NHS: variants seen among roughly 807,000 people sequenced by gnomAD.
The protein encoded by NHS is NHS actin remodeling regulator, also known as actin remodeling regulator NHS.
In NHS, 5 loss-of-function variants were observed where a neutral mutation model predicts 72.5. The ratio of observed to expected loss-of-function variants is 0.07; its 90% CI spans 0.04 to 0.14. The LOEUF (loss-of-function observed/expected upper bound fraction) is 0.14, where lower values mean the gene tolerates loss of function less well. NHS is among the 10% of genes least tolerant of loss of function. NHS has a pLI of 1.00. For synonymous variants in NHS, 464 were observed against 547.7 expected (o/e 0.85, Z 2.13); for missense variants, 1,072 against 1,355.7 (o/e 0.79, Z 3.29).
chrX:17,612,009 C>G (rs761230235), intron 1 of NHS, among the ~76,000 whole-genome samples: 12 of 107,502 alleles, frequency 1.1e-4, no homozygotes, highest in Admixed American at 2.0e-4. Flanking sequence ...CACCTCACCC[C>G]CCTCCACAGA....
intron 1 of NHS, among the ~76,000 whole-genome samples, chrX:17,650,930 G>A (rs1318380113): frequency 3.6e-5 from 4 of 111,991 alleles, no homozygotes; most frequent in African/African-American, 9.8e-5. Flanking sequence ...AATCTGTATC[G>A]TGGAGTCCCC....
chrX:17,407,560 A>G (rs1460807356), intron 1 of NHS, among the ~76,000 whole-genome samples: 2 of 111,052 alleles, frequency 1.8e-5, no homozygotes, highest in African/African-American at 3.3e-5. Context: ...AGGAGTGTTG[A>G]TTTTTTTTGG....
chrX:17,684,000 G>A (rs1379860548), intron 1 of NHS, among the ~76,000 whole-genome samples: 4 of 111,818 alleles, frequency 3.6e-5, no homozygotes, highest in African/African-American at 1.3e-4. Context: ...AATCATGGGG[G>A]CTGGTTTTTC....
At chrX:17,431,827 A>G (rs934844211) in intron 1 of NHS, among the ~76,000 whole-genome samples, 2 of 112,201 alleles carry the variant, frequency 1.8e-5, no homozygotes, top group African/African-American at 6.5e-5. Flanking sequence ...TGACGCAAGC[A>G]GAGCCAACTA....
At position 17,728,664 on chromosome X, in the gene NHS, A is replaced by G. The variant is rs1436759167; in HGVS notation, c.4238A>G (p.Asp1413Gly). The change falls in exon 8 of 9, where the codon GAT becomes GGT. Residue 1413 changes from aspartate to glycine, a missense_variant. By Grantham distance (94) the Asp-to-Gly change is moderately conservative. Transcript: ENST00000676302. Reference sequence around the variant, plus strand: ...TTATTTTAAGAATCATCACCGAGTGATGACTCCATCATTTCACCACTTAGT... The same window carrying G: ...TTATTTTAAGAATCATCACCGAGTGGTGACTCCATCATTTCACCACTTAGT... ...EASLKESSPS[D>G]DSIISPLSED... 7 of 1,208,429 alleles carry G rather than the reference A, an allele frequency of 5.8e-6. No individual in the cohort carries two copies. The highest frequency in any genetic ancestry group is 6.7e-6 in the Non-Finnish European group (6 of 894,565).
intron 1 of NHS, among the ~76,000 whole-genome samples, chrX:17,614,811 C>A (rs2065729719): frequency 9.1e-6 from 1 of 110,469 alleles, no homozygotes; most frequent in Non-Finnish European, 1.9e-5. Flanking sequence ...GGTTCATGGG[C>A]CTGTGGTCTG....
intron 1 of NHS, among the ~76,000 whole-genome samples, chrX:17,377,696 G>T (rs1364376235): frequency 8.8e-6 from 1 of 113,495 alleles, no homozygotes; most frequent in Non-Finnish European, 1.9e-5. Context: ...CCCGTCCCGG[G>T]AATTCACTGC....
At chrX:17,533,761 T>G (rs2065210203) in intron 1 of NHS, among the ~76,000 whole-genome samples, 1 of 111,937 alleles carries the variant, frequency 8.9e-6, no homozygotes, top group African/African-American at 3.3e-5. Flanking sequence ...TCCCATGACC[T>G]TGGGCAGCCC....
At chrX:17,475,520 C>T (rs2064912931) in intron 1 of NHS, among the ~76,000 whole-genome samples, 1 of 111,734 alleles carries the variant, frequency 8.9e-6, no homozygotes, top group Middle Eastern at 4.6e-3. Context: ...TTCTGTTTCC[C>T]GTTTTCTAGT....
chrX:17,594,901 A>G (rs1267563501), intron 1 of NHS, among the ~76,000 whole-genome samples: 2 of 112,510 alleles, frequency 1.8e-5, no homozygotes, highest in Admixed American at 9.4e-5. Flanking sequence ...GTACCATGCT[A>G]TCAGCCAGTC....
At chrX:17,559,370 A>G (rs1294014323) in intron 1 of NHS, among the ~76,000 whole-genome samples, 2 of 111,979 alleles carry the variant, frequency 1.8e-5, no homozygotes. Flanking sequence ...GACTTCAGAG[A>G]TCTTTAAGCA....
chrX:17,652,631 C>T (rs754502812), intron 1 of NHS, among the ~76,000 whole-genome samples: 6 of 111,485 alleles, frequency 5.4e-5, no homozygotes, highest in Non-Finnish European at 7.5e-5. Context: ...TAAAAAATTA[C>T]AGCTAGATAG....
intron 1 of NHS, among the ~76,000 whole-genome samples, chrX:17,520,811 G>C (rs2146936253): frequency 9.0e-6 from 1 of 111,219 alleles, no homozygotes; most frequent in East Asian, 2.8e-4. Flanking sequence ...TATTTGAACT[G>C]GGATGCATAC....
At chrX:17,635,591 A>C (rs1304039904) in intron 1 of NHS, 1 of 1,166,898 alleles carries the variant, frequency 8.6e-7, no homozygotes, top group Admixed American at 2.6e-5. Flanking sequence ...CTGCATGCCC[A>C]AGAATGCAGG....
At chrX:17,448,962 T>C (rs1244401440) in intron 1 of NHS, among the ~76,000 whole-genome samples, 1 of 112,892 alleles carries the variant, frequency 8.9e-6, no homozygotes, top group Non-Finnish European at 1.9e-5. Flanking sequence ...GCTCTAAGCA[T>C]TTAATGCCTA....
intron 8 of NHS, among the ~76,000 whole-genome samples, chrX:17,729,334 ATTAT>A (rs2066471906): frequency 1.8e-5 from 2 of 112,322 alleles, no homozygotes; most frequent in Admixed American, 9.4e-5. Flanking sequence ...ACTATATACA[ATTAT>A]TTGTCAGCTT....
At chrX:17,654,714 A>C (rs748500961) in intron 1 of NHS, among the ~76,000 whole-genome samples, 17 of 112,347 alleles carry the variant, frequency 1.5e-4, no homozygotes, top group Middle Eastern at 4.6e-3. Flanking sequence ...AGTTTTCCCT[A>C]AATAGGTTTC....
Position 17,484,472 on chromosome X carries a change from A to G in NHS, c.565+108150A>G, listed in dbSNP as rs140191535. On this transcript the variant is annotated intron_variant, in intron 1 of 8. Coordinates refer to ENST00000676302, the MANE Select transcript of NHS (RefSeq NM_001291867.2). ...AGATCCTCCCAAGAGGAGGGGCTAT[A>G]CCACATCATGGGGGCCCACACGGGG... 6.9e-3 allele frequency among the ~76,000 whole-genome samples: 769 copies of G among 112,031 alleles called. 4 individuals are homozygous for G. Among genetic ancestry groups the G allele is most frequent in the African/African-American group, 0.023 (707 of 30,787 alleles).
At chrX:17,528,250 A>G (rs1411570485) in intron 1 of NHS, among the ~76,000 whole-genome samples, 1 of 111,926 alleles carries the variant, frequency 8.9e-6, no homozygotes, top group Admixed American at 9.4e-5. Flanking sequence ...ACAGCAGAGA[A>G]TGATCCAGCC....
Sources: gnomAD v4.1 joint callset for allele counts (sites outside exome capture counted in the v4.1 genomes callset) on GRCh38, gnomAD v4.1.1 for gene constraint, MANE v1.5 for transcripts, NCBI Gene and HGNC (gene_info 2026-07-23, HGNC 2026-07-21) for gene names.